AGBL4: variants seen among roughly 807,000 people sequenced by gnomAD.
AGBL4 encodes AGBL carboxypeptidase 4.
AGBL4 carries 58 observed loss-of-function variants against 66.4 expected under a neutral mutation model. The ratio of observed to expected loss-of-function variants is 0.87; its 90% CI spans 0.71 to 1.09. AGBL4 has a LOEUF of 1.09. Ranked by LOEUF, AGBL4 falls within the 50% of genes least tolerant of loss-of-function variation. The pLI, the probability that AGBL4 is intolerant of heterozygous loss-of-function variation, is 0.00. For missense variants in AGBL4, 579 were observed against 631.0 expected (o/e 0.92, Z 0.88); for synonymous variants, 234 against 222.9 (o/e 1.05, Z -0.44).
At chr1:48,598,559 T>C (rs1407902688) in intron 9 of AGBL4, among the ~76,000 whole-genome samples, 2 of 151,738 alleles carry the variant, frequency 1.3e-5, no homozygotes, top group Non-Finnish European at 2.9e-5. Flanking sequence ...GGCGGATCAA[T>C]TGAGGTCAGG....
intron 9 of AGBL4, 123 bp downstream of exon 9, chr1:48,634,370 G>A (rs1167962131): frequency 4.2e-6 from 3 of 713,032 alleles, no homozygotes; most frequent in Non-Finnish European, 4.7e-6. Context: ...CAGGCCTAGT[G>A]CCTCCCTGGT....
intron 2 of AGBL4, among the ~76,000 whole-genome samples, chr1:49,719,164 G>T (rs1648397865): frequency 6.6e-6 from 1 of 152,072 alleles, no homozygotes; most frequent in South Asian, 2.1e-4. Flanking sequence ...AAATAAAGAT[G>T]AAGAGCCCCT....
intron 6 of AGBL4, among the ~76,000 whole-genome samples, chr1:48,804,972 G>A (rs1305153747): frequency 1.3e-5 from 2 of 152,074 alleles, no homozygotes; most frequent in African/African-American, 2.4e-5. Context: ...GGTTGGGAGC[G>A]GGAGAAGAGT....
intron 1 of AGBL4, among the ~76,000 whole-genome samples, chr1:49,966,113 T>C (rs1351181200): frequency 2.0e-5 from 3 of 151,904 alleles, no homozygotes; most frequent in Non-Finnish European, 1.5e-5. Context: ...GGCTAATTTT[T>C]TTGTATTTTT....
intron 2 of AGBL4, among the ~76,000 whole-genome samples, chr1:49,730,260 G>A (rs6674242): frequency 0.093 from 14,194 of 151,982 alleles, 882 homozygotes; most frequent in East Asian, 0.18. Flanking sequence ...TCTTGGTCAC[G>A]GGACAAGAAC....
intron 6 of AGBL4, among the ~76,000 whole-genome samples, chr1:48,752,993 C>T (rs913697386): frequency 6.6e-6 from 1 of 152,222 alleles, no homozygotes; most frequent in African/African-American, 2.4e-5. Flanking sequence ...CGTGATCCGC[C>T]TGCCTCGGCC....
chr1:48,766,946 C>T (rs1644561328), intron 6 of AGBL4, among the ~76,000 whole-genome samples: 1 of 152,160 alleles, frequency 6.6e-6, no homozygotes, highest in East Asian at 1.9e-4. Context: ...AACCAAAATG[C>T]AAGGTGTGAC....
chr1:49,949,376 T>G (rs986986400), intron 1 of AGBL4, among the ~76,000 whole-genome samples: 25 of 151,734 alleles, frequency 1.6e-4, no homozygotes, highest in Non-Finnish European at 3.5e-4. Context: ...TGGACTTAAT[T>G]AAAGAGCTTT....
At chr1:49,441,129 G>A (rs774843537) in intron 3 of AGBL4, among the ~76,000 whole-genome samples, 2 of 152,156 alleles carry the variant, frequency 1.3e-5, no homozygotes, top group Non-Finnish European at 2.9e-5. Context: ...CATATGACTA[G>A]ATTAAAGTTC....
chr1:49,105,382 G>A (rs1373369492), intron 4 of AGBL4, among the ~76,000 whole-genome samples: 1 of 152,110 alleles, frequency 6.6e-6, no homozygotes, highest in East Asian at 1.9e-4. Flanking sequence ...TACTTGGAAG[G>A]GTTCTTAGAG....
At chr1:49,689,333 T>G (rs1211377089) in intron 3 of AGBL4, among the ~76,000 whole-genome samples, 1 of 152,208 alleles carries the variant, frequency 6.6e-6, no homozygotes, top group Non-Finnish European at 1.5e-5. Context: ...GTGACTGTCC[T>G]TTCCCCAATG....
intron 3 of AGBL4, among the ~76,000 whole-genome samples, chr1:49,594,048 C>G (rs2124103962): frequency 6.6e-6 from 1 of 152,248 alleles, no homozygotes. Context: ...ACTCCAGTCC[C>G]TCAGGCAGCG....
intron 4 of AGBL4, among the ~76,000 whole-genome samples, chr1:49,221,309 T>C (rs1328968464): frequency 1.3e-5 from 2 of 152,064 alleles, no homozygotes; most frequent in African/African-American, 4.8e-5. Context: ...CACTTCAACA[T>C]CCTCTAGAGG....
At chr1:48,726,548 T>C (rs1647286908) in intron 6 of AGBL4, among the ~76,000 whole-genome samples, 1 of 152,238 alleles carries the variant, frequency 6.6e-6, no homozygotes, top group South Asian at 2.1e-4. Context: ...TTATTATTAA[T>C]ATTATTAAGT....
In AGBL4 at chr1:48,729,716, T is replaced by C. The variant is rs142765221; in HGVS notation, c.635-66475A>G. Among the ~76,000 whole-genome samples, 1,081 of 152,266 alleles carry C rather than the reference T, an allele frequency of 7.1e-3. 18 individuals are homozygous for C. Among genetic ancestry groups the C allele is most frequent in the African/African-American group, 0.025 (1,029 of 41,544 alleles). On this transcript the variant is annotated intron_variant, in intron 6 of 13. Transcript: ENST00000371839. Reference sequence around the variant, plus strand: ...CCAGTCTGCCTCCTGTTGCCATCCATGCTGCAGGTGCACCTGCTATAAGCA... The same window carrying C: ...CCAGTCTGCCTCCTGTTGCCATCCACGCTGCAGGTGCACCTGCTATAAGCA...
At chr1:48,750,761 C>T (rs1463710996) in intron 6 of AGBL4, among the ~76,000 whole-genome samples, 1 of 152,210 alleles carries the variant, frequency 6.6e-6, no homozygotes, top group Non-Finnish European at 1.5e-5. Flanking sequence ...CTTCTTGTCT[C>T]TAGTGGAATG....
At chr1:49,395,034 C>G (rs1037213002) in intron 3 of AGBL4, among the ~76,000 whole-genome samples, 2 of 152,158 alleles carry the variant, frequency 1.3e-5, no homozygotes, top group African/African-American at 4.8e-5. Context: ...AAAAAAAATG[C>G]TAGACACACC....
At chr1:49,715,851 G>T (rs1306131827) in intron 2 of AGBL4, among the ~76,000 whole-genome samples, 2 of 152,044 alleles carry the variant, frequency 1.3e-5, no homozygotes, top group African/African-American at 4.8e-5. Context: ...CTGGATTTTG[G>T]CCCTATGTCA....
intron 4 of AGBL4, among the ~76,000 whole-genome samples, chr1:49,152,826 G>C (rs1646363431): frequency 6.6e-6 from 1 of 151,982 alleles, no homozygotes; most frequent in African/African-American, 2.4e-5. Context: ...ACCCACACAG[G>C]GTTTAAAAAA....
Sources: gnomAD v4.1 joint callset for allele counts (sites outside exome capture counted in the v4.1 genomes callset) on GRCh38, gnomAD v4.1.1 for gene constraint, MANE v1.5 for transcripts, NCBI Gene and HGNC (gene_info 2026-07-23, HGNC 2026-07-21) for gene names.